Variants in CDH18 observed in about 807,000 individuals in gnomAD.
The protein encoded by CDH18 is cadherin-18.
In CDH18, 31 loss-of-function variants were observed where a neutral mutation model predicts 67.9. That is an observed-to-expected ratio of 0.46 (90% CI 0.34 to 0.62). The LOEUF is 0.62. Among genes scored for constraint, CDH18 ranks in the 20% least tolerant of loss-of-function variants. CDH18 has a pLI of 0.01. For synonymous variants in CDH18, 362 were observed against 347.2 expected (o/e 1.04, Z -0.48); for missense variants, 890 against 975.5 (o/e 0.91, Z 1.17).
chr5:20,126,440 C>T (rs1748834442), intron 2 of CDH18, among the ~76,000 whole-genome samples: 1 of 152,014 alleles, frequency 6.6e-6, no homozygotes, highest in African/African-American at 2.4e-5. Flanking sequence ...ACATAGGCAC[C>T]AAAAACTAAA....
At chr5:20,052,422 T>C (rs1580128913) in intron 2 of CDH18, among the ~76,000 whole-genome samples, 1 of 152,006 alleles carries the variant, frequency 6.6e-6, no homozygotes, top group East Asian at 1.9e-4. Context: ...CAGAAAATGG[T>C]TTGGGTGCAA....
At chr5:20,096,362 C>T (rs1745990361) in intron 2 of CDH18, among the ~76,000 whole-genome samples, 1 of 151,940 alleles carries the variant, frequency 6.6e-6, no homozygotes, top group Admixed American at 6.6e-5. Context: ...TATAGATTTT[C>T]TTCAGAAAAA....
At chr5:19,826,646 A>G (rs949023670) in intron 3 of CDH18, among the ~76,000 whole-genome samples, 27 of 152,222 alleles carry the variant, frequency 1.8e-4, no homozygotes, top group African/African-American at 6.5e-4. Flanking sequence ...ATTCATAAGC[A>G]AAAGAGAAAT....
intron 3 of CDH18, among the ~76,000 whole-genome samples, chr5:19,783,726 T>A (rs181343480): frequency 1.6e-4 from 25 of 152,308 alleles, no homozygotes; most frequent in Non-Finnish European, 2.8e-4. Context: ...CATCTCCATG[T>A]GTTATGATTA....
chr5:20,137,988 A>G (rs1253393965), intron 2 of CDH18, among the ~76,000 whole-genome samples: 1 of 152,154 alleles, frequency 6.6e-6, no homozygotes, highest in Non-Finnish European at 1.5e-5. Context: ...TCCTGATACC[A>G]AAGCCTTGCA....
chr5:20,114,279 T>C (rs58833641), intron 2 of CDH18, among the ~76,000 whole-genome samples: 6,255 of 152,280 alleles, frequency 0.041, 442 homozygotes, highest in African/African-American at 0.14. Context: ...AATAACATAA[T>C]AGTCGTGTGC....
intron 1 of CDH18, among the ~76,000 whole-genome samples, chr5:20,445,976 T>G (rs1166102003): frequency 6.6e-6 from 1 of 151,824 alleles, no homozygotes; most frequent in Non-Finnish European, 1.5e-5. Context: ...GGAGTTGAGG[T>G]TTGGGCTGTG....
At chr5:20,276,148 G>A (rs1184774899) in intron 1 of CDH18, among the ~76,000 whole-genome samples, 4 of 152,200 alleles carry the variant, frequency 2.6e-5, no homozygotes, top group Non-Finnish European at 4.4e-5. Context: ...CTGCTGCTTT[G>A]CTGGGCTTGG....
At chr5:20,406,232 A>G (rs964916872) in intron 1 of CDH18, among the ~76,000 whole-genome samples, 2 of 152,196 alleles carry the variant, frequency 1.3e-5, no homozygotes, top group African/African-American at 4.8e-5. Flanking sequence ...GCACATATAC[A>G]CCACGGAATA....
chr5:20,226,677 T>G (rs1207055267), intron 2 of CDH18, among the ~76,000 whole-genome samples: 1 of 152,090 alleles, frequency 6.6e-6, no homozygotes, highest in South Asian at 2.1e-4. Flanking sequence ...ATCAAACATA[T>G]AACTATTTAT....
At chr5:19,900,980 C>G (rs1159532645) in intron 2 of CDH18, among the ~76,000 whole-genome samples, 1 of 152,126 alleles carries the variant, frequency 6.6e-6, no homozygotes, top group African/African-American at 2.4e-5. Flanking sequence ...GAAATCCTGA[C>G]TTGCCTAGTG....
chr5:19,530,762 C>G (rs1253224664), intron 9 of CDH18, among the ~76,000 whole-genome samples: 2 of 152,156 alleles, frequency 1.3e-5, no homozygotes, highest in Non-Finnish European at 2.9e-5. Flanking sequence ...AGGACACGAA[C>G]TCATCATTTT....
chr5:20,096,659 A>T (rs895511562), intron 2 of CDH18, among the ~76,000 whole-genome samples: 1 of 152,138 alleles, frequency 6.6e-6, no homozygotes, highest in Non-Finnish European at 1.5e-5. Context: ...ATTAGAAGTC[A>T]TTTACATAAA....
chr5:20,490,631 G>A lies in CDH18; in HGVS notation c.-580+84831C>T, dbSNP rs539797046. On this transcript the variant is annotated intron_variant, in intron 1 of 14. Coordinates refer to the CDH18 transcript ENST00000507958. ...CCACATTTGTTCAAGAGGAGGGTAA[G>A]TAAGTACATAGATAGAGGCTGCAAT... Among the ~76,000 whole-genome samples the A allele has an allele frequency of 9.2e-5, 14 of 152,290 alleles. No homozygotes were observed. In the South Asian group the frequency reaches 2.5e-3, roughly 27 times the overall value.
In CDH18 at chr5:19,541,748, AC is replaced by A. The variant is rs368373937; in HGVS notation, c.1390+2120del. ...AAAGACCCGGCCTCATGATTCAATT[AC>A]CTCCCATTGGGTCCCTCCGATGACA... On this transcript the variant is annotated intron_variant, in intron 9 of 12. Coordinates refer to ENST00000382275, the MANE Select transcript of CDH18 (RefSeq NM_004934.5). 5.7e-4 allele frequency among the ~76,000 whole-genome samples: 87 copies of A among 151,994 alleles called. 1 individual carries two copies. Among genetic ancestry groups the A allele is most frequent in the African/African-American group, 1.9e-3 (80 of 41,440 alleles).
intron 1 of CDH18, among the ~76,000 whole-genome samples, chr5:20,384,991 C>A (rs1358197897): frequency 6.6e-6 from 1 of 151,992 alleles, no homozygotes; most frequent in Non-Finnish European, 1.5e-5. Flanking sequence ...TGCCCACCAC[C>A]ATGCCCCGCT....
intron 2 of CDH18, among the ~76,000 whole-genome samples, chr5:19,852,456 T>C (rs1325626299): frequency 1.3e-5 from 2 of 151,982 alleles, no homozygotes; most frequent in East Asian, 3.9e-4. Flanking sequence ...CACCCAGACA[T>C]TTGTGAAGCA....
At chr5:19,674,863 C>T (rs557338851) in intron 5 of CDH18, among the ~76,000 whole-genome samples, 1 of 151,968 alleles carries the variant, frequency 6.6e-6, no homozygotes, top group Admixed American at 6.6e-5. Context: ...AAAATCCAAT[C>T]CAGAAAATTG....
chr5:19,705,267 C>A (rs1426587239), intron 5 of CDH18, among the ~76,000 whole-genome samples: 1 of 152,156 alleles, frequency 6.6e-6, no homozygotes, highest in Non-Finnish European at 1.5e-5. Flanking sequence ...AAAATTCAGA[C>A]TACTACTCCT....
Sources: allele counts gnomAD v4.1 joint callset (sites outside exome capture counted in the v4.1 genomes callset), GRCh38; gene constraint gnomAD v4.1.1; transcripts MANE v1.5; gene names NCBI Gene and HGNC (gene_info 2026-07-23, HGNC 2026-07-21).